Variants in DOCK1 observed in about 807,000 individuals in gnomAD.
The protein encoded by DOCK1 is dedicator of cytokinesis protein 1.
A neutral mutation model predicts 262.7 loss-of-function variants in DOCK1; 138 were observed. The observed-to-expected ratio is 0.53, with a 90% CI of 0.46 to 0.61. DOCK1 has a LOEUF of 0.61. Ranked by LOEUF, DOCK1 falls within the 20% of genes least tolerant of loss-of-function variation. The pLI, the probability that DOCK1 is intolerant of heterozygous loss-of-function variation, is 0.00. For synonymous variants in DOCK1, 866 were observed against 867.4 expected (o/e 1.00, Z 0.03); for missense variants, 1,908 against 2,370.7 (o/e 0.80, Z 4.05).
Position 127,447,490 on chromosome 10 carries a change from A to G in DOCK1, c.5510A>G (p.Glu1837Gly). Residue 1837 changes from glutamate (E) to glycine (G), a missense_variant, in exon 51 of 52, where the codon GAA becomes GGA. Physicochemically the swap from Glu to Gly is moderately conservative, Grantham distance 98. Around this residue, in one of 9 missense-constraint regions of DOCK1, gnomAD observed 383 missense variants for 420.1 expected, o/e 0.91. Transcript: ENST00000623213. ...GTGGCAGATTACGGGAATTTGATGG[A>G]AAACCAGGACTTGCTGGGCTCGCCA... ...GSVADYGNLM[E>G]NQDLLGSPTP... 6.2e-7 allele frequency: 1 copy of G among 1,613,896 alleles called. No individual in the cohort carries two copies. The highest frequency in any genetic ancestry group is 2.2e-5 in the East Asian group (1 of 44,864).
intron 29 of DOCK1, among the ~76,000 whole-genome samples, chr10:127,324,076 C>G (rs1172543303): frequency 6.6e-6 from 1 of 152,176 alleles, no homozygotes; most frequent in Non-Finnish European, 1.5e-5. Context: ...GATGAAGGAA[C>G]AGCAGGAAAC....
intron 27 of DOCK1, among the ~76,000 whole-genome samples, chr10:127,165,031 C>T (rs1288451105): frequency 6.6e-6 from 1 of 152,192 alleles, no homozygotes; most frequent in Non-Finnish European, 1.5e-5. Context: ...ATTTTGGTGG[C>T]ACTGGCTATC....
chr10:127,339,554 C>G (rs2063334074), intron 30 of DOCK1, among the ~76,000 whole-genome samples: 1 of 150,346 alleles, frequency 6.7e-6, no homozygotes. Context: ...CCCTGCCCCC[C>G]AGACCCCATG....
At chr10:126,937,131 C>G (rs953793006) in intron 1 of DOCK1, among the ~76,000 whole-genome samples, 4 of 152,124 alleles carry the variant, frequency 2.6e-5, no homozygotes, top group African/African-American at 4.8e-5. Flanking sequence ...GTTTAAAGCC[C>G]TAATGGTTCA....
Position 126,961,423 on chromosome 10 carries a change from A to G in DOCK1, c.47-9279A>G, listed in dbSNP as rs958785084. Among the ~76,000 whole-genome samples the G allele has an allele frequency of 4.3e-4, 65 of 152,274 alleles. No individual in the cohort carries two copies. In the South Asian group the frequency reaches 0.012, roughly 28 times the overall value. On this transcript the variant is annotated intron_variant, in intron 1 of 51. Transcript: ENST00000623213. ...GCCAACATAGAGAAGCGCTGTCTCT[A>G]CTAAAAATACAACTCTGTCTTCCCC...
chr10:127,350,271 A>AG (rs973887673), intron 31 of DOCK1, among the ~76,000 whole-genome samples: 3 of 150,228 alleles, frequency 2.0e-5, no homozygotes, highest in Non-Finnish European at 4.4e-5. Context: ...ACGCTTTAAA[A>AG]AAAACCTGCC....
At chr10:127,407,661 GTCTGTC>G (rs1019262748) in intron 40 of DOCK1, among the ~76,000 whole-genome samples, 16 of 152,258 alleles carry the variant, frequency 1.1e-4, no homozygotes, top group African/African-American at 3.9e-4. Flanking sequence ...TGTCCTCTCT[GTCTGTC>G]TCTGTCTCTG....
At chr10:127,424,120 C>T (rs182307277) in intron 46 of DOCK1, among the ~76,000 whole-genome samples, 3 of 152,290 alleles carry the variant, frequency 2.0e-5, no homozygotes, top group Admixed American at 2.0e-4. Flanking sequence ...TTACTCAGGG[C>T]ATCCTCTTAT....
At chr10:127,251,347 A>C (rs1005834500) in intron 28 of DOCK1, among the ~76,000 whole-genome samples, 3 of 152,134 alleles carry the variant, frequency 2.0e-5, no homozygotes, top group African/African-American at 7.2e-5. Flanking sequence ...GTATTTCAAT[A>C]TGAAAGTGGC....
intron 29 of DOCK1, among the ~76,000 whole-genome samples, chr10:127,293,984 C>G (rs578015083): frequency 6.6e-6 from 1 of 152,188 alleles, no homozygotes; most frequent in African/African-American, 2.4e-5. Context: ...GTACTGAGCT[C>G]CTTCACTCCT....
chr10:126,949,872 G>T (rs1227416341), intron 1 of DOCK1, among the ~76,000 whole-genome samples: 1 of 152,054 alleles, frequency 6.6e-6, no homozygotes, highest in Non-Finnish European at 1.5e-5. Flanking sequence ...GAGAGGCAAA[G>T]CTCTGTCTGG....
chr10:127,254,302 T>C (rs1189182341), intron 28 of DOCK1, among the ~76,000 whole-genome samples: 3 of 152,236 alleles, frequency 2.0e-5, no homozygotes, highest in South Asian at 2.1e-4. Context: ...CATTAGCTTT[T>C]GTAGACTATC....
At chr10:126,946,351 A>G (rs2035404064) in intron 1 of DOCK1, among the ~76,000 whole-genome samples, 1 of 152,172 alleles carries the variant, frequency 6.6e-6, no homozygotes, top group South Asian at 2.1e-4. Flanking sequence ...GTTCAAGACC[A>G]GCCTGGCCAA....
chr10:127,081,323 A>T (rs2046886332), intron 23 of DOCK1, among the ~76,000 whole-genome samples: 1 of 150,614 alleles, frequency 6.6e-6, no homozygotes, highest in East Asian at 1.9e-4. Context: ...TCTGCAGAGG[A>T]CATGTAATAA....
chr10:127,337,237 A>G (rs750012352), intron 29 of DOCK1, among the ~76,000 whole-genome samples: 13 of 152,104 alleles, frequency 8.5e-5, no homozygotes, highest in Non-Finnish European at 1.5e-4. Context: ...TGCTGCATGT[A>G]CATCCTCAGA....
intron 1 of DOCK1, among the ~76,000 whole-genome samples, chr10:126,959,306 C>A (rs1203750572): frequency 6.6e-6 from 1 of 152,166 alleles, no homozygotes; most frequent in African/African-American, 2.4e-5. Context: ...TTTTCCCCCA[C>A]AAAACAGCTT....
chr10:127,411,075 C>T (rs2067819148), intron 43 of DOCK1, among the ~76,000 whole-genome samples, 151 bp downstream of exon 43: 2 of 152,084 alleles, frequency 1.3e-5, no homozygotes, highest in Admixed American at 6.5e-5. Flanking sequence ...AATCTATTAC[C>T]CCCTCCAAAG....
intron 21 of DOCK1, among the ~76,000 whole-genome samples, chr10:127,046,348 G>A (rs747267510): frequency 7.2e-5 from 11 of 152,114 alleles, no homozygotes; most frequent in Non-Finnish European, 1.3e-4. Flanking sequence ...TGCAGACTTC[G>A]CCTCTTCAGA....
chr10:127,170,339 C>T (rs143786921), intron 27 of DOCK1, among the ~76,000 whole-genome samples: 90 of 152,292 alleles, frequency 5.9e-4, no homozygotes, highest in Middle Eastern at 3.4e-3. Context: ...TTGCTCTCTC[C>T]CCCTACCCCA....
Sources: gnomAD v4.1 joint callset for allele counts (sites outside exome capture counted in the v4.1 genomes callset) on GRCh38, gnomAD v4.1.1 for gene constraint, gnomAD v4.1.1 regional missense constraint, MANE v1.5 for transcripts, NCBI Gene and HGNC (gene_info 2026-07-23, HGNC 2026-07-21) for gene names.